Variants in JAZF1 observed in about 807,000 individuals in gnomAD.
JAZF1 encodes the protein JAZF zinc finger 1, also known as juxtaposed with another zinc finger protein 1.
A neutral mutation model predicts 26.4 loss-of-function variants in JAZF1; 8 were observed. That is an observed-to-expected ratio of 0.30 (90% CI 0.18 to 0.55). The LOEUF (loss-of-function observed/expected upper bound fraction) is 0.55, where lower values mean the gene tolerates loss of function less well. Among genes scored for constraint, JAZF1 ranks in the 20% least tolerant of loss-of-function variants. JAZF1 has a pLI of 0.94. For synonymous variants in JAZF1, 126 were observed against 122.3 expected, an observed-to-expected ratio of 1.03 and a Z score of -0.20; for missense variants, 199 against 322.0, an observed-to-expected ratio of 0.62 and a Z score of 2.92.
chr7:27,948,671 T>C (rs1022790316), intron 2 of JAZF1, among the ~76,000 whole-genome samples: 1 of 152,240 alleles, frequency 6.6e-6, no homozygotes, highest in African/African-American at 2.4e-5. Flanking sequence ...GAATATTGAT[T>C]GTATACAATC....
At chr7:28,032,626 A>T (rs6956395) in intron 1 of JAZF1, among the ~76,000 whole-genome samples, 1 of 152,012 alleles carries the variant, frequency 6.6e-6, no homozygotes, top group African/African-American at 2.4e-5. Flanking sequence ...TCACTTTAAT[A>T]AGAATTTGCC....
chr7:27,965,393 T>C (rs1273638355), intron 2 of JAZF1, among the ~76,000 whole-genome samples: 1 of 152,226 alleles, frequency 6.6e-6, no homozygotes, highest in East Asian at 1.9e-4. Context: ...CATAGATACA[T>C]ATGTTTTCCT....
chr7:27,987,311 C>T (rs927493025), intron 2 of JAZF1, among the ~76,000 whole-genome samples: 7 of 151,842 alleles, frequency 4.6e-5, no homozygotes, highest in African/African-American at 9.7e-5. Flanking sequence ...GCTGCGACCC[C>T]GTCTGGGATC....
At chr7:28,104,642 C>G (rs766356620) in intron 1 of JAZF1, among the ~76,000 whole-genome samples, 1 of 152,152 alleles carries the variant, frequency 6.6e-6, no homozygotes, top group Admixed American at 6.5e-5. Flanking sequence ...CTGTGATTCT[C>G]CACCTCCCTC....
At chr7:27,955,307 G>C (rs1318176419) in intron 2 of JAZF1, among the ~76,000 whole-genome samples, 1 of 152,206 alleles carries the variant, frequency 6.6e-6, no homozygotes, top group Non-Finnish European at 1.5e-5. Flanking sequence ...AGAAAAAGCA[G>C]TATAATTTAT....
chr7:28,176,347 C>A (rs183789007), intron 1 of JAZF1, among the ~76,000 whole-genome samples: 1 of 152,354 alleles, frequency 6.6e-6, no homozygotes, highest in Non-Finnish European at 1.5e-5. Flanking sequence ...TATTCAAGTG[C>A]TGCAGGCCTG....
intron 1 of JAZF1, among the ~76,000 whole-genome samples, chr7:28,063,892 A>G (rs1338069816): frequency 1.3e-5 from 2 of 152,308 alleles, no homozygotes; most frequent in East Asian, 3.9e-4. Context: ...CATCTCTTTG[A>G]CATGTGAGAG....
chr7:28,107,188 C>T (rs1022480322), intron 1 of JAZF1, among the ~76,000 whole-genome samples: 2 of 152,200 alleles, frequency 1.3e-5, no homozygotes, highest in Non-Finnish European at 1.5e-5. Flanking sequence ...ACAAACATCC[C>T]ACTAGAGTAC....
chr7:27,982,284 C>T (rs1288063943), intron 2 of JAZF1, among the ~76,000 whole-genome samples: 1 of 152,236 alleles, frequency 6.6e-6, no homozygotes, highest in Non-Finnish European at 1.5e-5. Flanking sequence ...CTTGGCAACA[C>T]AGCACACCAG....
intron 2 of JAZF1, among the ~76,000 whole-genome samples, chr7:27,911,379 T>C (rs1784357309): frequency 6.6e-6 from 1 of 152,162 alleles, no homozygotes; most frequent in African/African-American, 2.4e-5. Flanking sequence ...TATTTACAGA[T>C]ACAAAATTGA....
At chr7:28,165,368 C>T (rs1253203216) in intron 1 of JAZF1, among the ~76,000 whole-genome samples, 9 of 151,894 alleles carry the variant, frequency 5.9e-5, no homozygotes, top group Admixed American at 5.9e-4. Context: ...AACTAGAGTG[C>T]CAGTTAGGGC....
intron 2 of JAZF1, among the ~76,000 whole-genome samples, chr7:27,925,318 C>G (rs916238789): frequency 1.3e-5 from 2 of 152,152 alleles, no homozygotes; most frequent in African/African-American, 4.8e-5. Flanking sequence ...TCTTTGAAGG[C>G]CATGCCAAAA....
chr7:28,070,422 T>C (rs1266608437), intron 1 of JAZF1, among the ~76,000 whole-genome samples: 1 of 152,220 alleles, frequency 6.6e-6, no homozygotes, highest in African/African-American at 2.4e-5. Context: ...GAAAAGCTTC[T>C]AGATATTTGC....
intron 1 of JAZF1, among the ~76,000 whole-genome samples, chr7:28,148,920 G>A (rs1242078964): frequency 1.3e-5 from 2 of 152,180 alleles, no homozygotes; most frequent in African/African-American, 2.4e-5. Flanking sequence ...GTCAGAAATG[G>A]GCAGCTGAGG....
rs184540423 is a variant in JAZF1 at position 27,877,249 on chromosome 7, T to G, written c.385+17971A>C. On this transcript the variant is annotated intron_variant, in intron 3 of 4. Transcript: ENST00000283928. ...ACAAAAAATGAAGCCTGCCCATGGC[T>G]CCGAATGAGAGGTCAAGCCTTCTCT... Among the ~76,000 whole-genome samples the G allele has an allele frequency of 1.7e-3, 252 of 152,296 alleles. 1 individual carries two copies. Among genetic ancestry groups the G allele is most frequent in the African/African-American group, 5.5e-3 (227 of 41,560 alleles).
intron 3 of JAZF1, among the ~76,000 whole-genome samples, chr7:27,870,336 C>T (rs984454904): frequency 6.6e-6 from 1 of 151,974 alleles, no homozygotes; most frequent in South Asian, 2.1e-4. Context: ...CCCCTGGCTC[C>T]GGCTCTGCTA....
At chr7:28,040,441 G>A (rs1783370123) in intron 1 of JAZF1, among the ~76,000 whole-genome samples, 1 of 152,192 alleles carries the variant, frequency 6.6e-6, no homozygotes, top group African/African-American at 2.4e-5. Context: ...ATGTAATCAA[G>A]AGTGACTGGT....
intron 2 of JAZF1, among the ~76,000 whole-genome samples, chr7:27,907,063 GGCTCTTAGAGTTTTAAATCCAGTATTCA>G (rs1483241506): frequency 1.5e-5 from 2 of 130,304 alleles, no homozygotes; most frequent in Non-Finnish European, 1.7e-5. Flanking sequence ...GTTGCACTAA[GGCTCTTAGAGTTTTAAATCCAGTATTCA>G]GCTGGGAACA....
At chr7:27,876,059 C>T (rs1783674465) in intron 3 of JAZF1, among the ~76,000 whole-genome samples, 1 of 152,188 alleles carries the variant, frequency 6.6e-6, no homozygotes, top group Non-Finnish European at 1.5e-5. Flanking sequence ...CCTAATGTCT[C>T]TTACCTTCTG....
Sources: allele counts gnomAD v4.1 joint callset (sites outside exome capture counted in the v4.1 genomes callset), GRCh38; gene constraint gnomAD v4.1.1; transcripts MANE v1.5; gene names NCBI Gene and HGNC (gene_info 2026-07-23, HGNC 2026-07-21).